Variants in EPHB1 observed in about 807,000 individuals in gnomAD.
EPHB1 encodes EPH receptor B1.
Under a neutral mutation model 94.4 loss-of-function variants are expected in EPHB1, and 30 were observed. The observed-to-expected ratio is 0.32, with a 90% CI of 0.24 to 0.43. EPHB1 has a LOEUF of 0.43. Among genes scored for constraint, EPHB1 ranks in the 20% least tolerant of loss-of-function variants. EPHB1 has a pLI of 1.00. For missense variants in EPHB1, 1,055 were observed against 1,308.3 expected (o/e 0.81, Z 2.99); for synonymous variants, 522 against 489.1 (o/e 1.07, Z -0.89).
At chr3:134,887,908 G>T (rs569094993) in intron 1 of EPHB1, among the ~76,000 whole-genome samples, 2 of 152,202 alleles carry the variant, frequency 1.3e-5, no homozygotes, top group Admixed American at 6.5e-5. Context: ...CTTCCAGCCT[G>T]GATTTGTGTT....
At chr3:134,928,000 T>A (rs2038826426) in intron 2 of EPHB1, among the ~76,000 whole-genome samples, 1 of 152,208 alleles carries the variant, frequency 6.6e-6, no homozygotes, top group South Asian at 2.1e-4. Flanking sequence ...TCCAGGACAG[T>A]ACCCTCCAAT....
intron 3 of EPHB1, among the ~76,000 whole-genome samples, chr3:135,097,693 A>G (rs946761106): frequency 6.6e-5 from 10 of 152,194 alleles, no homozygotes; most frequent in Non-Finnish European, 1.3e-4. Flanking sequence ...AAGTGTCATC[A>G]TGAGTGATAC....
chr3:134,873,239 C>G (rs527789035), intron 1 of EPHB1, among the ~76,000 whole-genome samples: 2 of 152,286 alleles, frequency 1.3e-5, no homozygotes, highest in African/African-American at 4.8e-5. Context: ...TAGGGGCAGG[C>G]AGTGATTCCT....
chr3:135,065,833 T>A (rs1384012690), intron 3 of EPHB1, among the ~76,000 whole-genome samples: 1 of 152,246 alleles, frequency 6.6e-6, no homozygotes, highest in Admixed American at 6.5e-5. Context: ...TTTTGATATG[T>A]TTCCAGCATT....
At chr3:135,170,861 A>G (rs1476684834) in intron 9 of EPHB1, among the ~76,000 whole-genome samples, 2 of 152,206 alleles carry the variant, frequency 1.3e-5, no homozygotes, top group East Asian at 3.9e-4. Flanking sequence ...TAAGGGGTTT[A>G]GGGTCAAGGG....
chr3:135,014,455 G>C (rs1441052645), intron 3 of EPHB1, among the ~76,000 whole-genome samples: 2 of 152,200 alleles, frequency 1.3e-5, no homozygotes, highest in South Asian at 4.1e-4. Flanking sequence ...ACTGATACAA[G>C]AGTGGTGCTG....
At chr3:135,044,592 C>T (rs1001962362) in intron 3 of EPHB1, among the ~76,000 whole-genome samples, 1 of 152,134 alleles carries the variant, frequency 6.6e-6, no homozygotes, top group African/African-American at 2.4e-5. Flanking sequence ...TCTTAGTTTC[C>T]TGGCCTTAAA....
At chr3:134,844,023 A>AT (rs550552358) in intron 1 of EPHB1, among the ~76,000 whole-genome samples, 228 of 151,952 alleles carry the variant, frequency 1.5e-3, no homozygotes, top group African/African-American at 5.3e-3. Context: ...TCTGAGTGTT[A>AT]TTTTTTCCCC....
At chr3:135,013,615 T>C (rs1458246286) in intron 3 of EPHB1, among the ~76,000 whole-genome samples, 1 of 152,142 alleles carries the variant, frequency 6.6e-6, no homozygotes, top group East Asian at 1.9e-4. Flanking sequence ...CTTTCAGTGG[T>C]TTATAGTCCA....
chr3:134,907,790 A>G (rs1442425862), intron 1 of EPHB1, among the ~76,000 whole-genome samples: 2 of 152,242 alleles, frequency 1.3e-5, no homozygotes, highest in Non-Finnish European at 2.9e-5. Context: ...GTCTTGGGCC[A>G]TGCCCACAGT....
intron 3 of EPHB1, among the ~76,000 whole-genome samples, chr3:135,061,369 C>CCCA (rs1553727871): frequency 1.9e-4 from 2 of 10,646 alleles, no homozygotes; most frequent in East Asian, 2.3e-3. Context: ...GGAATGACCA[C>CCCA]CCCCCCCGAC....
At chr3:134,890,823 T>C (rs1264642088) in intron 1 of EPHB1, among the ~76,000 whole-genome samples, 1 of 152,220 alleles carries the variant, frequency 6.6e-6, no homozygotes, top group Non-Finnish European at 1.5e-5. Context: ...TTTGTCTCTT[T>C]TGTTGCTATT....
chr3:134,813,757 G>A (rs778378778), intron 1 of EPHB1, among the ~76,000 whole-genome samples: 1 of 152,168 alleles, frequency 6.6e-6, no homozygotes, highest in Non-Finnish European at 1.5e-5. Context: ...GATGATGTAG[G>A]CACTTCAGCC....
intron 1 of EPHB1, among the ~76,000 whole-genome samples, chr3:134,877,983 C>T (rs1040617598): frequency 2.6e-5 from 4 of 152,204 alleles, no homozygotes; most frequent in Admixed American, 6.5e-5. Context: ...TCCCTGGGAG[C>T]GGTGGCTGAG....
At chr3:135,054,061 A>G (rs909780245) in intron 3 of EPHB1, among the ~76,000 whole-genome samples, 17 of 151,802 alleles carry the variant, frequency 1.1e-4, no homozygotes, top group African/African-American at 4.1e-4. Flanking sequence ...ACACACACAC[A>G]CACACACACA....
At chr3:135,255,344 G>T (rs908785726) in intron 15 of EPHB1, among the ~76,000 whole-genome samples, 1 of 151,134 alleles carries the variant, frequency 6.6e-6, no homozygotes, top group African/African-American at 2.4e-5. Flanking sequence ...GCTTTCTCTT[G>T]TGGGCATTTA....
intron 1 of EPHB1, among the ~76,000 whole-genome samples, chr3:134,848,168 T>C (rs2036913039): frequency 6.6e-6 from 1 of 152,130 alleles, no homozygotes; most frequent in African/African-American, 2.4e-5. Context: ...TGGATTAAAC[T>C]GCAGGGCTGT....
chr3:134,805,280 T>C (rs1009273494), intron 1 of EPHB1, among the ~76,000 whole-genome samples: 1 of 152,032 alleles, frequency 6.6e-6, no homozygotes, highest in African/African-American at 2.4e-5. Context: ...TGCCTCCAAA[T>C]GGTTTGGGAT....
chr3:134,939,548 A>T (rs952540169), intron 2 of EPHB1, among the ~76,000 whole-genome samples: 4 of 152,134 alleles, frequency 2.6e-5, no homozygotes, highest in African/African-American at 9.7e-5. Context: ...GTAGGAATTT[A>T]TGCCCCACGG....
Sources: allele counts gnomAD v4.1 joint callset (sites outside exome capture counted in the v4.1 genomes callset), GRCh38; gene constraint gnomAD v4.1.1; transcripts MANE v1.5; gene names NCBI Gene and HGNC (gene_info 2026-07-23, HGNC 2026-07-21).